The following GRID1 variants were observed in gnomAD, a reference collection of about 807,000 sequenced individuals.
GRID1 encodes glutamate receptor ionotropic, delta-1.
A neutral mutation model predicts 98.0 loss-of-function variants in GRID1; 28 were observed. The ratio of observed to expected loss-of-function variants is 0.29; its 90% CI spans 0.21 to 0.39. The LOEUF (loss-of-function observed/expected upper bound fraction) is 0.39. GRID1 is among the 10% of genes least tolerant of loss of function. GRID1 has a pLI of 1.00. For missense variants in GRID1, 1,111 were observed against 1,340.5 expected (o/e 0.83, Z 2.67); for synonymous variants, 553 against 538.5 (o/e 1.03, Z -0.37).
intron 13 of GRID1, among the ~76,000 whole-genome samples, chr10:85,625,533 T>A (rs778789322): frequency 3.3e-5 from 5 of 152,170 alleles, no homozygotes; most frequent in Non-Finnish European, 5.9e-5. Context: ...TATCTTGGCA[T>A]GAGAAAAAGT....
At chr10:85,842,959 A>C (rs910684175) in intron 8 of GRID1, among the ~76,000 whole-genome samples, 5 of 150,816 alleles carry the variant, frequency 3.3e-5, no homozygotes, top group Admixed American at 2.0e-4. Flanking sequence ...AACAAAAACA[A>C]AACAAAAAAA....
At chr10:86,242,553 T>G (rs1484570146) in intron 2 of GRID1, among the ~76,000 whole-genome samples, 1 of 152,156 alleles carries the variant, frequency 6.6e-6, no homozygotes, top group Non-Finnish European at 1.5e-5. Context: ...GGGGTACTTT[T>G]AAAACTTTTG....
chr10:86,243,262 AC>A lies in GRID1; in HGVS notation c.236-36615del. Among the ~76,000 whole-genome samples the A allele has an allele frequency of 3.3e-5, 5 of 152,202 alleles. 1 individual carries two copies. The highest frequency in any genetic ancestry group is 3.3e-4 in the Admixed American group (5 of 15,292). On this transcript the variant is annotated intron_variant, in intron 2 of 15. Transcript: ENST00000327946. Reference sequence around the variant, plus strand: ...AAGGCCCAGAGGCCTGGCTCTGCAGACCCGTGCTCAATAGGGTAGGTCTCCT... The same window carrying A: ...AAGGCCCAGAGGCCTGGCTCTGCAGACCGTGCTCAATAGGGTAGGTCTCCT...
At chr10:85,830,054 A>C (rs1842854196) in intron 8 of GRID1, among the ~76,000 whole-genome samples, 1 of 152,238 alleles carries the variant, frequency 6.6e-6, no homozygotes, top group African/African-American at 2.4e-5. Flanking sequence ...CCTGACTTCA[A>C]ACTATACTAC....
chr10:85,650,761 T>A (rs11201717), intron 12 of GRID1, among the ~76,000 whole-genome samples: 42,711 of 152,072 alleles, frequency 0.28, 6,199 homozygotes, highest in Middle Eastern at 0.43. Context: ...AGGGGTAGAA[T>A]GTTCCTGGAA....
At chr10:85,839,352 A>G (rs1112486) in intron 8 of GRID1, among the ~76,000 whole-genome samples, 1 of 152,212 alleles carries the variant, frequency 6.6e-6, no homozygotes, top group Non-Finnish European at 1.5e-5. Context: ...TCTCATTGCC[A>G]CATGGCACAT....
In GRID1 at chr10:85,998,754, CAAAGA is replaced by C. The variant is rs201611862; in HGVS notation, c.727-82520_727-82516del. Reference sequence around the variant, plus strand: ...TTTGATAAAGCTCTAGCAAACCTAACAAAGAAAAGAGAAAGAAAAGACACAAATAA... The same window carrying C: ...TTTGATAAAGCTCTAGCAAACCTAACAAAGAGAAAGAAAAGACACAAATAA... On this transcript the variant is annotated intron_variant, in intron 4 of 15. Transcript: ENST00000327946. Among the ~76,000 whole-genome samples, 145 of 152,122 alleles carry C rather than the reference CAAAGA, an allele frequency of 9.5e-4. 1 individual carries two copies. In the East Asian group the frequency reaches 0.025, roughly 27 times the overall value.
intron 8 of GRID1, among the ~76,000 whole-genome samples, chr10:85,731,134 T>C (rs959239761): frequency 2.0e-5 from 3 of 152,098 alleles, no homozygotes; most frequent in Non-Finnish European, 2.9e-5. Flanking sequence ...GAGTCATTCC[T>C]CCTGGAAGAG....
rs1051473046 is a variant in GRID1 at position 85,923,086 on chromosome 10, G to T, written c.727-6847C>A. ...CACTGGGGAATCTTGGATCCCAGAAGGTCTCTTTTCCAGTATTTTGTCCCA... is the reference window on the plus strand; with the variant it reads ...CACTGGGGAATCTTGGATCCCAGAATGTCTCTTTTCCAGTATTTTGTCCCA... On this transcript the variant is annotated intron_variant, in intron 4 of 15. Coordinates refer to ENST00000327946, the MANE Select transcript of GRID1 (RefSeq NM_017551.3). 2.0e-5 allele frequency among the ~76,000 whole-genome samples: 3 copies of T among 151,574 alleles called. No individual in the cohort carries two copies. In the East Asian group the frequency reaches 5.9e-4, roughly 30 times the overall value.
intron 2 of GRID1, among the ~76,000 whole-genome samples, chr10:86,230,531 TA>T (rs1846434516): frequency 6.6e-6 from 1 of 152,192 alleles, no homozygotes; most frequent in Admixed American, 6.5e-5. Flanking sequence ...TCATCAGCAC[TA>T]AACCTGGCTG....
At position 85,600,596 on chromosome 10, in the gene GRID1, C is replaced by T. The variant is rs1842560770; in HGVS notation, c.*1677G>A. 1 of 152,228 alleles carries T rather than the reference C, an allele frequency of 6.6e-6. No individual in the cohort carries two copies. The highest frequency in any genetic ancestry group is 1.5e-5 in the Non-Finnish European group (1 of 68,052). The allele number at this position is 152,228 out of a possible 1,614,324, so 9.4% of individuals were successfully genotyped here. A position where few individuals can be genotyped will look rare whatever the true frequency, so the allele number is the denominator to read the frequency against. Reference sequence around the variant, plus strand: ...TGATTACTGCTGGCTGTGGGAGCTCCACCTCCTTCAGTGACAGATGTGGGC... The same window carrying T: ...TGATTACTGCTGGCTGTGGGAGCTCTACCTCCTTCAGTGACAGATGTGGGC... On this transcript the variant is annotated 3_prime_UTR_variant, in exon 16 of 16. Coordinates refer to ENST00000327946, the MANE Select transcript of GRID1 (RefSeq NM_017551.3).
At position 86,350,969 on chromosome 10, in the gene GRID1, G is replaced by A. The variant is rs535823627; in HGVS notation, c.235+12972C>T. On this transcript the variant is annotated intron_variant, in intron 2 of 15. Transcript: ENST00000327946. ...CTCCCCCTGCCCTCCCCAGTCTCTA[G>A]TAACCTGTATTCCACTCTCTACTTC... Among the ~76,000 whole-genome samples, 5 of 152,218 alleles carry A rather than the reference G, an allele frequency of 3.3e-5. No individual in the cohort carries two copies. In the East Asian group the frequency reaches 9.7e-4, roughly 29 times the overall value.
intron 8 of GRID1, among the ~76,000 whole-genome samples, chr10:85,823,837 T>C: frequency 6.6e-6 from 1 of 151,956 alleles, no homozygotes; most frequent in Non-Finnish European, 1.5e-5. Context: ...AAAAGAAAAA[T>C]AACTACTAGC....
intron 8 of GRID1, among the ~76,000 whole-genome samples, chr10:85,790,932 G>A (rs1454496336): frequency 1.3e-5 from 2 of 152,148 alleles, no homozygotes; most frequent in Non-Finnish European, 2.9e-5. Context: ...GAAACTTGCT[G>A]GGATTTGGTT....
chr10:85,812,312 C>G (rs1380757617), intron 8 of GRID1, among the ~76,000 whole-genome samples: 1 of 147,840 alleles, frequency 6.8e-6, no homozygotes, highest in Non-Finnish European at 1.5e-5. Context: ...AAAATCAAAC[C>G]TTACTATGAC....
intron 2 of GRID1, among the ~76,000 whole-genome samples, chr10:86,313,987 C>A (rs557478980): frequency 6.6e-6 from 1 of 152,354 alleles, no homozygotes; most frequent in South Asian, 2.1e-4. Flanking sequence ...GCTAATCTAA[C>A]CACTAACCTA....
At chr10:85,855,079 C>G (rs563043832) in intron 7 of GRID1, among the ~76,000 whole-genome samples, 1 of 152,242 alleles carries the variant, frequency 6.6e-6, no homozygotes, top group East Asian at 1.9e-4. Flanking sequence ...TTGGAGGGCA[C>G]AGCAAGATCC....
rs192801050 is a variant in GRID1 at position 85,638,951 on chromosome 10, C to G, written c.2193+8251G>C. Among the ~76,000 whole-genome samples the G allele has an allele frequency of 2.0e-3, 312 of 152,270 alleles. 1 individual carries two copies. The highest frequency in any genetic ancestry group is 0.014 in the Middle Eastern group (4 of 294). On this transcript the variant is annotated intron_variant, in intron 13 of 15. Transcript: ENST00000327946. ...CAACACTAATGCAGGATAGGACATT[C>G]AGCAACTGAGACTTACAAGTATATA...
chr10:86,361,046 T>C (rs981165056), intron 2 of GRID1, among the ~76,000 whole-genome samples: 1 of 152,194 alleles, frequency 6.6e-6, no homozygotes, highest in Non-Finnish European at 1.5e-5. Flanking sequence ...TCAACCTGTA[T>C]CGACAACCCA....
Sources: allele counts gnomAD v4.1 joint callset (sites outside exome capture counted in the v4.1 genomes callset), GRCh38; gene constraint gnomAD v4.1.1; transcripts MANE v1.5; gene names NCBI Gene and HGNC (gene_info 2026-07-23, HGNC 2026-07-21).